The following KLHL7 variants were observed in gnomAD, a reference collection of about 807,000 sequenced individuals.
The protein encoded by KLHL7 is kelch-like protein 7.
KLHL7 carries 44 observed loss-of-function variants against 67.4 expected under a neutral mutation model. The ratio of observed to expected loss-of-function variants is 0.65; its 90% CI spans 0.51 to 0.84. KLHL7 has a LOEUF of 0.84. KLHL7 is among the 40% of genes least tolerant of loss of function. The probability of loss-of-function intolerance (pLI) is 0.00; values close to 1 mark genes in which losing one functional copy is unlikely to be tolerated. For synonymous variants in KLHL7, 252 were observed against 243.3 expected, an observed-to-expected ratio of 1.04 and a Z score of -0.33; for missense variants, 362 against 718.1, an observed-to-expected ratio of 0.50 and a Z score of 5.67.
At chr7:23,121,696 T>C (rs1783349620) in intron 1 of KLHL7, among the ~76,000 whole-genome samples, 1 of 149,716 alleles carries the variant, frequency 6.7e-6, no homozygotes, top group Non-Finnish European at 1.5e-5. Context: ...TTTTTTTTTT[T>C]AGTTGAGATA....
intron 1 of KLHL7, among the ~76,000 whole-genome samples, chr7:23,113,528 G>C (rs1458086571): frequency 6.6e-6 from 1 of 152,134 alleles, no homozygotes; most frequent in Non-Finnish European, 1.5e-5. Context: ...GAATCATTAA[G>C]TATAATATTG....
At chr7:23,117,776 A>G in intron 1 of KLHL7, 1 of 1,481,694 alleles carries the variant, frequency 6.7e-7, no homozygotes, top group Non-Finnish European at 9.1e-7. Context: ...CTAGTAACTA[A>G]TCCAAGAAAA....
At chr7:23,134,798 G>A (rs1783920034) in intron 4 of KLHL7, among the ~76,000 whole-genome samples, 1 of 151,986 alleles carries the variant, frequency 6.6e-6, no homozygotes, top group Admixed American at 6.5e-5. Flanking sequence ...ATCAGTTGTA[G>A]TGTCTCCTTT....
intron 4 of KLHL7, among the ~76,000 whole-genome samples, chr7:23,127,175 G>T (rs1319618919): frequency 6.6e-6 from 1 of 152,162 alleles, no homozygotes; most frequent in Non-Finnish European, 1.5e-5. Context: ...TCCTCCTGGG[G>T]TGATTCAACT....
At chr7:23,124,976 G>T (rs1009617207) in intron 3 of KLHL7, 72 bp from the exon 4 acceptor site, 57 of 1,392,678 alleles carry the variant, frequency 4.1e-5, no homozygotes, top group Non-Finnish European at 5.4e-5. Context: ...GGGCTATTAG[G>T]ATACATTCCA....
intron 1 of KLHL7, among the ~76,000 whole-genome samples, chr7:23,112,105 G>A (rs543503524): frequency 6.6e-6 from 1 of 152,260 alleles, no homozygotes; most frequent in Admixed American, 6.5e-5. Flanking sequence ...CTTAAAATAC[G>A]ACCTGATAAC....
rs188662576 is a variant in KLHL7 at position 23,120,044 on chromosome 7, C to T, written c.121-3733C>T. On this transcript the variant is annotated intron_variant, in intron 1 of 10. Transcript: ENST00000339077. Reference sequence around the variant, plus strand: ...TATTTTATTTTATTTTTGAGTCTCACTCTCACCCAGGCTGGAGTGCCGTGG... The same window carrying T: ...TATTTTATTTTATTTTTGAGTCTCATTCTCACCCAGGCTGGAGTGCCGTGG... Among the ~76,000 whole-genome samples, 152 of 152,174 alleles carry T rather than the reference C, an allele frequency of 1.0e-3. 1 individual carries two copies. In the South Asian group the frequency reaches 0.02, roughly 20 times the overall value.
chr7:23,168,744 T>C (rs1022023852), intron 9 of KLHL7, among the ~76,000 whole-genome samples: 1 of 152,204 alleles, frequency 6.6e-6, no homozygotes, highest in African/African-American at 2.4e-5. Context: ...GTACCTTTTA[T>C]GGAAACATCC....
In KLHL7 at chr7:23,171,430, G is replaced by C. The variant is rs904490703; in HGVS notation, c.1380-1518G>C. ...TGTTTTAATGCATGATGATAGCTGA[G>C]TCTATAAATCTCACTACGTGCAGGG... On this transcript the variant is annotated intron_variant, in intron 9 of 10. Coordinates refer to ENST00000339077, the MANE Select transcript of KLHL7 (RefSeq NM_001031710.3). Among the ~76,000 whole-genome samples, 4 of 152,122 alleles carry C rather than the reference G, an allele frequency of 2.6e-5. No homozygotes were observed. The East Asian group carries it at 7.7e-4, about 29-fold the overall frequency.
chr7:23,142,279 G>T (rs969661919), intron 5 of KLHL7, among the ~76,000 whole-genome samples: 2 of 152,086 alleles, frequency 1.3e-5, no homozygotes, highest in African/African-American at 4.8e-5. Context: ...TAAGTTTGTG[G>T]TAATTTGTTA....
intron 4 of KLHL7, among the ~76,000 whole-genome samples, chr7:23,136,193 T>A (rs1002695911): frequency 2.0e-5 from 3 of 152,176 alleles, no homozygotes; most frequent in Non-Finnish European, 4.4e-5. Context: ...TAGAACATAA[T>A]GTCACAAGGT....
At chr7:23,155,713 A>G (rs938939512) in intron 7 of KLHL7, among the ~76,000 whole-genome samples, 21 of 152,280 alleles carry the variant, frequency 1.4e-4, no homozygotes, top group African/African-American at 4.8e-4. Flanking sequence ...TAAAAACTAT[A>G]GATTAATAAT....
rs1783519937 is a variant in KLHL7 at position 23,125,129 on chromosome 7, T to C, written c.399T>C (p.Cys133=). 1.9e-6 allele frequency: 3 copies of C among 1,613,150 alleles called. No homozygotes were observed. Among genetic ancestry groups the C allele is most frequent in the Non-Finnish European group, 2.5e-6 (3 of 1,179,318 alleles). ...AGATTGAACCTGTGAAGAAAATGTG[T>C]GTTGATTTTTTGAAAGAACAAGTTG... ...QYQIEPVKKM[C]VDFLKEQVDA... The change falls in exon 4 of 11, where the codon TGT becomes TGC. Residue 133 remains cysteine, a synonymous_variant. Transcript: ENST00000339077.
At chr7:23,134,236 T>TA (rs1783897750) in intron 4 of KLHL7, among the ~76,000 whole-genome samples, 1 of 152,238 alleles carries the variant, frequency 6.6e-6, no homozygotes, top group Admixed American at 6.5e-5. Context: ...ATTTTGTTGA[T>TA]ACGCTGTATC....
intron 1 of KLHL7, among the ~76,000 whole-genome samples, chr7:23,110,772 C>G (rs529056585): frequency 5.2e-4 from 61 of 116,398 alleles, no homozygotes; most frequent in African/African-American, 1.9e-3. Context: ...CCCCTCCCCC[C>G]ACCCCACAAC....
chr7:23,168,109 C>A, intron 9 of KLHL7, 72 bp downstream of exon 9: 1 of 1,411,436 alleles, frequency 7.1e-7, no homozygotes, highest in Non-Finnish European at 1.0e-6. Flanking sequence ...GTCAAAAGAC[C>A]AGAGGAACCC....
Position 23,174,775 on chromosome 7 carries a change from T to G in KLHL7, c.*477T>G. On this transcript the variant is annotated 3_prime_UTR_variant, in exon 11 of 11. Coordinates refer to ENST00000339077, the MANE Select transcript of KLHL7 (RefSeq NM_001031710.3). The stretch of plus-strand genomic sequence containing the variant: ...GCAGCTTAGTCTCACAGTTTGCTTG[T>G]CTATTTATTTTATTTAGTGCCAAAT... 2.2e-6 allele frequency: 1 copy of G among 454,662 alleles called. No homozygotes were observed. The highest frequency in any genetic ancestry group is 1.6e-5 in the South Asian group (1 of 64,474). The allele number at this position is 454,662 out of a possible 1,614,324, so 28.2% of individuals were successfully genotyped here. A position where few individuals can be genotyped will look rare whatever the true frequency, so the allele number is the denominator to read the frequency against.
intron 5 of KLHL7, among the ~76,000 whole-genome samples, chr7:23,143,236 A>G (rs1287652728): frequency 2.6e-5 from 4 of 152,192 alleles, no homozygotes; most frequent in Admixed American, 6.5e-5. Context: ...AATGATTTGT[A>G]AGTTAAATTA....
intron 1 of KLHL7, chr7:23,117,793 A>T: frequency 3.9e-6 from 6 of 1,541,362 alleles, no homozygotes; most frequent in Non-Finnish European, 5.3e-6. Flanking sequence ...AAAATTATTT[A>T]CCCCATCTAA....
Sources: gnomAD v4.1 joint callset for allele counts (sites outside exome capture counted in the v4.1 genomes callset) on GRCh38, gnomAD v4.1.1 for gene constraint, MANE v1.5 for transcripts, NCBI Gene and HGNC (gene_info 2026-07-23, HGNC 2026-07-21) for gene names.